PSG11: variants seen among roughly 807,000 people sequenced by gnomAD.
PSG11 encodes pregnancy specific beta-1-glycoprotein 11.
PSG11 carries 42 observed loss-of-function variants against 36.0 expected under a neutral mutation model. The ratio of observed to expected loss-of-function variants is 1.17; its 90% CI spans 0.91 to 1.51. The LOEUF is 1.51. PSG11 is among the 40% of genes most tolerant of loss of function. The pLI, the probability that PSG11 is intolerant of heterozygous loss-of-function variation, is 0.00. For missense variants in PSG11, 558 were observed against 403.5 expected (o/e 1.38, Z -3.28); for synonymous variants, 206 against 153.5 (o/e 1.34, Z -2.53).
At chr19:43,021,777 A>G (rs2122823706) in intron 2 of PSG11, among the ~76,000 whole-genome samples, 1 of 151,588 alleles carries the variant, frequency 6.6e-6, no homozygotes, top group African/African-American at 2.4e-5. Context: ...GGAAGTGATC[A>G]GAGAATGTAA....
At chr19:43,014,936 A>G in intron 4 of PSG11, 180 bp downstream of exon 4, 2 of 1,477,808 alleles carry the variant, frequency 1.4e-6, no homozygotes, top group South Asian at 1.4e-5. Flanking sequence ...ATGAGAAAAC[A>G]GAAAAAAAAG....
chr19:43,025,274 A>C, intron 1 of PSG11: 1 of 863,540 alleles, frequency 1.2e-6, no homozygotes, highest in Non-Finnish European at 1.7e-6. Flanking sequence ...CAAGGTCAGC[A>C]GCATGACCCC....
intron 3 of PSG11, chr19:43,015,853 G>C (rs202161443): frequency 9.3e-6 from 15 of 1,609,922 alleles, no homozygotes; most frequent in Non-Finnish European, 1.3e-5. Context: ...TTCATTTCTC[G>C]TGACACTGGG....
intron 4 of PSG11, among the ~76,000 whole-genome samples, chr19:43,012,402 G>A (rs1418184844): frequency 6.6e-6 from 1 of 151,394 alleles, no homozygotes; most frequent in East Asian, 1.9e-4. Flanking sequence ...AAATCCTAAA[G>A]GTGGAACAAA....
rs1974015098 is a variant in PSG11 at position 43,009,387 on chromosome 19, G to A, written c.*40+571C>T. Among the ~76,000 whole-genome samples, 2 of 151,290 alleles carry A rather than the reference G, an allele frequency of 1.3e-5. 1 individual carries two copies. Among genetic ancestry groups the A allele is most frequent in the Non-Finnish European group, 2.9e-5 (2 of 67,894 alleles). ...AATTTTATGTCTATATGGGTGAAGG[G>A]GCAGGGATGTGTAGGAAGACAGTTC... On this transcript the variant is annotated intron_variant, in intron 5 of 5. Transcript: ENST00000320078.
intron 4 of PSG11, chr19:43,010,261 T>A: frequency 6.9e-7 from 1 of 1,456,562 alleles, no homozygotes; most frequent in Non-Finnish European, 9.1e-7. Flanking sequence ...AATTCTCTAC[T>A]GCACTCAGGT....
chr19:43,010,400 G>T lies in PSG11; in HGVS notation c.965-359C>A. The T allele has an allele frequency of 1.3e-6, 2 of 1,551,768 alleles. 1 individual carries two copies. Among genetic ancestry groups the T allele is most frequent in the South Asian group, 2.4e-5 (2 of 84,242 alleles). On this transcript the variant is annotated intron_variant, in intron 4 of 5. Transcript: ENST00000320078. ...TCTCTGTTGTGGCAGTCATGAATGA[G>T]ACTCTGTCAGATCTCCATGGCAGGG... is the stretch of plus-strand genomic sequence containing the variant.
Position 43,025,430 on chromosome 19 carries a change from T to C in PSG11, c.65-374A>G, listed in dbSNP as rs559449637. ...CTTTCCTGACACCTCCTTCAGGGAC[T>C]CTGGGTCTTCCCTTTCTGACCTTTC... is the stretch of plus-strand genomic sequence containing the variant. On this transcript the variant is annotated intron_variant, in intron 1 of 5. Coordinates refer to ENST00000320078, the MANE Select transcript of PSG11 (RefSeq NM_002785.3). 37 of 237,898 alleles carry C rather than the reference T, an allele frequency of 1.6e-4. 1 individual carries two copies. Among genetic ancestry groups the C allele is most frequent in the East Asian group, 1.1e-3 (11 of 10,190 alleles). The allele number at this position is 237,898 out of a possible 1,614,324, so 14.7% of individuals were successfully genotyped here.
At chr19:43,019,336 C>T in intron 2 of PSG11, 2 of 525,948 alleles carry the variant, frequency 3.8e-6, no homozygotes, top group Non-Finnish European at 6.0e-6. Context: ...TGGTGCCTCT[C>T]TGAGTCCCTC....
At chr19:43,025,260 A>T (rs1967215174) in intron 1 of PSG11, 1 of 973,114 alleles carries the variant, frequency 1.0e-6, no homozygotes, top group Admixed American at 3.0e-5. Context: ...CTGTCCTACT[A>T]GGTCAAGGTC....
At position 43,024,790 on chromosome 19, in the gene PSG11, T is replaced by C. The variant is rs777441084; in HGVS notation, c.331A>G (p.Asn111Asp). 7.4e-6 allele frequency: 12 copies of C among 1,612,020 alleles called. No individual in the cohort carries two copies. The South Asian group carries it at 1.3e-4, about 18-fold the overall frequency. Residue 111 changes from asparagine (N) to aspartate (D), a missense_variant, in exon 2 of 6, where the codon AAT (asparagine) becomes GAT (aspartate). Asn to Asp is a conservative substitution (Grantham distance 23, BLOSUM62 1). Transcript: ENST00000320078. The stretch of plus-strand genomic sequence containing the variant: ...GATCCTGCGTCCTCCCGGGTGACAT[T>C]CTGGATCAGCAGGGATGCATTGGAA... The part of the protein sequence containing the change: ...VYSNASLLIQ[N>D]VTREDAGSYT...
At chr19:43,016,586 G>A (rs1033578698) in intron 3 of PSG11, among the ~76,000 whole-genome samples, 4 of 151,490 alleles carry the variant, frequency 2.6e-5, no homozygotes, top group South Asian at 2.1e-4. Context: ...GGAGACCAGA[G>A]TCAAGCCTGG....
At chr19:43,025,698 C>T (rs1967229750) in intron 1 of PSG11, among the ~76,000 whole-genome samples, 1 of 127,734 alleles carries the variant, frequency 7.8e-6, no homozygotes, top group South Asian at 2.6e-4. Flanking sequence ...TTATTGAGGA[C>T]AGTGTTTCAT....
rs557222049 is a variant in PSG11, at chr19:43,022,256, A to T, written c.430+2435T>A. ...CTCCTATAGATAACATCACTATTGT[A>T]GAACGTGAGATTGGTCTTTTGAGAT... On this transcript the variant is annotated intron_variant, in intron 2 of 5. Coordinates refer to ENST00000320078, the MANE Select transcript of PSG11 (RefSeq NM_002785.3). Among the ~76,000 whole-genome samples the T allele has an allele frequency of 5.9e-4, 90 of 151,644 alleles. 1 individual carries two copies. Among genetic ancestry groups the T allele is most frequent in the African/African-American group, 2.1e-3 (85 of 41,196 alleles).
chr19:43,018,465 G>C, intron 3 of PSG11: 1 of 565,964 alleles, frequency 1.8e-6, no homozygotes, highest in Non-Finnish European at 3.0e-6. Flanking sequence ...GAGCCAAGTC[G>C]CAAGACTGAA....
At position 43,026,296 on chromosome 19, in the gene PSG11, G is replaced by A. The variant is rs1222797860; in HGVS notation, c.64+13C>T. ...TCCTCCTCCTGTCCTCTCCCAGGAA[G>A]TTCTCTCCTCACCTGTGAGCAGGAG... On this transcript the variant is annotated intron_variant, in intron 1 of 5. Coordinates refer to ENST00000320078, the MANE Select transcript of PSG11 (RefSeq NM_002785.3). 2.5e-6 allele frequency: 4 copies of A among 1,610,208 alleles called. No homozygotes were observed. The highest frequency in any genetic ancestry group is 1.7e-5 in the Admixed American group (1 of 59,786).
chr19:43,019,916 C>G (rs1283590768), intron 2 of PSG11, among the ~76,000 whole-genome samples: 5 of 151,432 alleles, frequency 3.3e-5, no homozygotes, highest in Admixed American at 6.6e-5. Context: ...AAGTCTGGCC[C>G]TCATGGACCA....
rs1384614917 is a variant in PSG11, at chr19:43,007,946, A to G, written c.*137T>C. The stretch of plus-strand genomic sequence containing the variant: ...ATTTCATGAAGGTATCAGCCTGTTC[A>G]TCAAAATTTTGAAAGTTCTTAGTCC... On this transcript the variant is annotated 3_prime_UTR_variant, in exon 6 of 6. Transcript: ENST00000320078. The G allele has an allele frequency of 2.5e-6, 1 of 399,528 alleles. No homozygotes were observed. The highest frequency in any genetic ancestry group is 3.6e-5 in the East Asian group (1 of 27,478). 24.7% of individuals were successfully genotyped at this position (399,528 alleles called of 1,614,324 possible). A position where few individuals can be genotyped will look rare whatever the true frequency, so the allele number is the denominator to read the frequency against.
chr19:43,014,869 G>A lies in PSG11; in HGVS notation c.964+247C>T, dbSNP rs149683931. On this transcript the variant is annotated intron_variant, in intron 4 of 5. Coordinates refer to ENST00000320078, the MANE Select transcript of PSG11 (RefSeq NM_002785.3). The stretch of plus-strand genomic sequence containing the variant: ...TGTGAAGCCTCTTCTACCACATAGG[G>A]CTCAGGGCTGATAAAGCCCCCTCCC... The A allele has an allele frequency of 3.2e-3, 4,376 of 1,378,624 alleles. 230 individuals carry two copies. The African/African-American group carries it at 0.05, about 16-fold the overall frequency. The allele number at this position is 1,378,624 out of a possible 1,614,324, so 85.4% of individuals were successfully genotyped here.
Sources: gnomAD v4.1 joint callset for allele counts (sites outside exome capture counted in the v4.1 genomes callset) on GRCh38, gnomAD v4.1.1 for gene constraint, MANE v1.5 for transcripts, NCBI Gene and HGNC (gene_info 2026-07-23, HGNC 2026-07-21) for gene names.